The following RAPH1 variants were observed in gnomAD, a reference collection of about 807,000 sequenced individuals.
The protein encoded by RAPH1 is Ras association (RalGDS/AF-6) and pleckstrin homology domains 1, also known as ras-associated and pleckstrin homology domains-containing protein 1.
Under a neutral mutation model 88.1 loss-of-function variants are expected in RAPH1, and 18 were observed. That is an observed-to-expected ratio of 0.20 (90% CI 0.14 to 0.30). The LOEUF (loss-of-function observed/expected upper bound fraction) is 0.30. Among genes scored for constraint, RAPH1 ranks in the 10% least tolerant of loss-of-function variants. RAPH1 has a pLI of 1.00. For synonymous variants in RAPH1, 587 were observed against 559.0 expected, an observed-to-expected ratio of 1.05 and a Z score of -0.71; for missense variants, 1,448 against 1,543.2, an observed-to-expected ratio of 0.94 and a Z score of 1.03.
At position 203,525,721 on chromosome 2, in the gene RAPH1, G is replaced by A. The variant is rs569532812; in HGVS notation, c.-1+9390C>T. 2.0e-5 allele frequency among the ~76,000 whole-genome samples: 3 copies of A among 152,256 alleles called. No homozygotes were observed. The South Asian group carries it at 6.2e-4, about 32-fold the overall frequency. On this transcript the variant is annotated intron_variant, in intron 1 of 13. Transcript: ENST00000319170. ...GAACCTGAGAGGCGGAGTTTGCAGT[G>A]AGCTGAGATTGGGCCACTGCACTCC...
At chr2:203,529,005 A>ATATTTTTTTTTTTT (rs1553633903) in intron 1 of RAPH1, among the ~76,000 whole-genome samples, 3 of 41,154 alleles carry the variant, frequency 7.3e-5, no homozygotes, top group East Asian at 1.0e-3. Context: ...ATATATATAT[A>ATATTTTTTTTTTTT]TTTTTTTTTT....
At chr2:203,505,893 T>C (rs1029854464) in intron 1 of RAPH1, among the ~76,000 whole-genome samples, 1 of 152,208 alleles carries the variant, frequency 6.6e-6, no homozygotes, top group East Asian at 1.9e-4. Flanking sequence ...CTTTTGCTGT[T>C]ATACTACATA....
chr2:203,487,295 G>A (rs974938342), intron 4 of RAPH1, among the ~76,000 whole-genome samples: 1 of 152,108 alleles, frequency 6.6e-6, no homozygotes, highest in Non-Finnish European at 1.5e-5. Context: ...TATCCTAGCA[G>A]GTAAATCTAA....
Position 203,437,934 on chromosome 2 carries a change from G to C in RAPH1, c.*1503C>G. 6.5e-6 allele frequency: 2 copies of C among 305,412 alleles called. No homozygotes were observed. Among genetic ancestry groups the C allele is most frequent in the South Asian group, 5.7e-5 (2 of 34,968 alleles). The allele number at this position is 305,412 out of a possible 1,614,324, so 18.9% of individuals were successfully genotyped here. Reference sequence around the variant, plus strand: ...TTCTCTTGTTTAGGAGCTGCTCTGAGATTGTTTTATTCCTAATAGTCCAAT... The same window carrying C: ...TTCTCTTGTTTAGGAGCTGCTCTGACATTGTTTTATTCCTAATAGTCCAAT... On this transcript the variant is annotated 3_prime_UTR_variant, in exon 14 of 14. Coordinates refer to ENST00000319170, the MANE Select transcript of RAPH1 (RefSeq NM_213589.3).
Position 203,506,814 on chromosome 2 carries a change from A to ATATATCTATATC in RAPH1, c.1-11462_1-11461insGATATAGATATA, listed in dbSNP as rs1206285930. Among the ~76,000 whole-genome samples the ATATATCTATATC allele has an allele frequency of 2.9e-5, 3 of 102,514 alleles. 1 individual carries two copies. The highest frequency in any genetic ancestry group is 5.3e-5 in the Non-Finnish European group (3 of 56,424). 67.3% of individuals were successfully genotyped at this position (102,514 alleles called of 152,430 possible). ...TATATCTATATATATATCTATATCT[A>ATATATCTATATC]TATATCTATATATATATCTATATCT... On this transcript the variant is annotated intron_variant, in intron 1 of 13. Coordinates refer to ENST00000319170, the MANE Select transcript of RAPH1 (RefSeq NM_213589.3).
Position 203,506,748 on chromosome 2 carries a change from A to C in RAPH1, c.1-11395T>G, listed in dbSNP as rs7588694. Among the ~76,000 whole-genome samples, 157 of 128,718 alleles carry C rather than the reference A, an allele frequency of 1.2e-3. 14 individuals carry two copies. The highest frequency in any genetic ancestry group is 4.8e-3 in the African/African-American group (133 of 27,698). The allele number at this position is 128,718 out of a possible 152,430, so 84.4% of individuals were successfully genotyped here. A position where few individuals can be genotyped will look rare whatever the true frequency, so the allele number is the denominator to read the frequency against. ...TCCATATATAGATATATATCTATAT[A>C]TATATATATCTATATATATATCTAT... On this transcript the variant is annotated intron_variant, in intron 1 of 13. Coordinates refer to ENST00000319170, the MANE Select transcript of RAPH1 (RefSeq NM_213589.3).
intron 10 of RAPH1, among the ~76,000 whole-genome samples, 158 bp downstream of exon 10, chr2:203,454,272 A>G (rs1004938645): frequency 5.9e-5 from 9 of 152,250 alleles, no homozygotes; most frequent in African/African-American, 1.7e-4. Flanking sequence ...GATATAGCAC[A>G]TGCTTCTTTT....
At chr2:203,506,875 TATATAG>T (rs1553630585) in intron 1 of RAPH1, among the ~76,000 whole-genome samples, 6 of 99,990 alleles carry the variant, frequency 6.0e-5, no homozygotes, top group African/African-American at 1.8e-4. Flanking sequence ...TATATATATA[TATATAG>T]ATATATATAT....
At chr2:203,464,765 A>AT (rs1426878927) in intron 4 of RAPH1, among the ~76,000 whole-genome samples, 1 of 150,238 alleles carries the variant, frequency 6.7e-6, no homozygotes, top group Non-Finnish European at 1.5e-5. Flanking sequence ...AAGAACTGTT[A>AT]TAAAAAAAAA....
chr2:203,440,533 A>C lies in RAPH1; in HGVS notation c.2657T>G (p.Val886Gly). Residue 886 changes from valine (V) to glycine (G), a missense_variant, in exon 14 of 14, where the codon GTC becomes GGC. Val to Gly is a moderately radical substitution (Grantham distance 109, BLOSUM62 -3). Coordinates refer to ENST00000319170, the MANE Select transcript of RAPH1 (RefSeq NM_213589.3). ...GGACTGTGGAGCTACATTTGCTGGGACAGGCTTTAAGGGCTGAGATTCCAT... is the reference window on the plus strand; with the variant it reads ...GGACTGTGGAGCTACATTTGCTGGGCCAGGCTTTAAGGGCTGAGATTCCAT... Reference protein sequence around the residue: ...PAMESQPLKPVPANVAPQSPP... With the variant: ...PAMESQPLKPGPANVAPQSPP... The C allele has an allele frequency of 6.5e-7, 1 of 1,534,676 alleles. No homozygotes were observed. Among genetic ancestry groups the C allele is most frequent in the Non-Finnish European group, 8.8e-7 (1 of 1,141,514 alleles).
chr2:203,474,138 G>A (rs1048470323), intron 4 of RAPH1, among the ~76,000 whole-genome samples: 2 of 152,162 alleles, frequency 1.3e-5, no homozygotes, highest in Non-Finnish European at 1.5e-5. Flanking sequence ...TGCTGGGGTC[G>A]CAGTGTGAGG....
In RAPH1 at chr2:203,502,909, C is replaced by T. The variant is rs531510775; in HGVS notation, c.1-7556G>A. ...CTGTAATCCCAGCACTTTGGGAGGC[C>T]GAGGCAGGCGGATCACCTTAGGTCA... is the stretch of plus-strand genomic sequence containing the variant. On this transcript the variant is annotated intron_variant, in intron 1 of 13. Transcript: ENST00000319170. Among the ~76,000 whole-genome samples, 105 of 151,936 alleles carry T rather than the reference C, an allele frequency of 6.9e-4. 1 individual carries two copies. The highest frequency in any genetic ancestry group is 2.4e-3 in the African/African-American group (98 of 41,428).
At chr2:203,457,633 G>C (rs1559458898) in intron 7 of RAPH1, 38 bp from the exon 8 acceptor site, 1 of 1,437,624 alleles carries the variant, frequency 7.0e-7, no homozygotes, top group African/African-American at 1.4e-5. Flanking sequence ...GGGTGGGAGA[G>C]AAAAAAAGAA....
At chr2:203,463,798 G>T (rs2098526196) in intron 4 of RAPH1, among the ~76,000 whole-genome samples, 1 of 152,060 alleles carries the variant, frequency 6.6e-6, no homozygotes, top group South Asian at 2.1e-4. Flanking sequence ...TATAAAACAT[G>T]TTTACGTTTT....
intron 10 of RAPH1, among the ~76,000 whole-genome samples, chr2:203,453,830 C>T (rs1010679086): frequency 1.3e-5 from 2 of 151,742 alleles, no homozygotes; most frequent in African/African-American, 4.8e-5. Context: ...TCTAATAGAT[C>T]ACTATAAATT....
intron 1 of RAPH1, among the ~76,000 whole-genome samples, chr2:203,513,290 T>C (rs1156657774): frequency 2.0e-5 from 3 of 151,764 alleles, no homozygotes; most frequent in Non-Finnish European, 4.4e-5. Flanking sequence ...TCTGAATTTC[T>C]ACTATTTAAT....
rs575784090 is a variant in RAPH1, at chr2:203,448,220, T to C, written c.1513-141A>G. Reference sequence around the variant, plus strand: ...ATACCTATGATAGTTCAAAAATTCCTCTAATACCATAAATTATAATCTATT... The same window carrying C: ...ATACCTATGATAGTTCAAAAATTCCCCTAATACCATAAATTATAATCTATT... On this transcript the variant is annotated intron_variant, in intron 11 of 13. Coordinates refer to ENST00000319170, the MANE Select transcript of RAPH1 (RefSeq NM_213589.3). The surrounding 1 kb of genome is among the most constrained non-coding windows in gnomAD (Gnocchi z 4.1). 55 of 661,054 alleles carry C rather than the reference T, an allele frequency of 8.3e-5. No individual in the cohort carries two copies. In the South Asian group the frequency reaches 1.5e-3, roughly 18 times the overall value. The allele number at this position is 661,054 out of a possible 1,614,324, so 40.9% of individuals were successfully genotyped here. A position where few individuals can be genotyped will look rare whatever the true frequency, so the allele number is the denominator to read the frequency against.
At chr2:203,484,280 CTAT>C (rs1687867035) in intron 4 of RAPH1, among the ~76,000 whole-genome samples, 4 of 152,182 alleles carry the variant, frequency 2.6e-5, no homozygotes, top group African/African-American at 9.7e-5. Flanking sequence ...ATACAACGTA[CTAT>C]AACTGCCACC....
chr2:203,489,526 T>C, intron 4 of RAPH1, 58 bp downstream of exon 4: 1 of 1,207,550 alleles, frequency 8.3e-7, no homozygotes, highest in Non-Finnish European at 1.1e-6. Context: ...ATTATTTTAA[T>C]ATAATTTCTC....
Sources: gnomAD v4.1 joint callset for allele counts (sites outside exome capture counted in the v4.1 genomes callset) on GRCh38, gnomAD v4.1.1 for gene constraint, Gnocchi (gnomAD v3.1) non-coding constraint, MANE v1.5 for transcripts, NCBI Gene and HGNC (gene_info 2026-07-23, HGNC 2026-07-21) for gene names.